Variants in RAD51B observed in about 807,000 individuals in gnomAD.
RAD51B encodes the protein RAD51 paralog B, also known as DNA repair protein RAD51 homolog 2.
A neutral mutation model predicts 42.2 loss-of-function variants in RAD51B; 38 were observed. The observed-to-expected ratio is 0.90, with a 90% confidence interval of 0.70 to 1.18. The LOEUF is 1.18. Ranked by LOEUF, RAD51B falls within the 50% of genes most tolerant of loss-of-function variation. The probability of loss-of-function intolerance (pLI) is 0.00; values close to 1 mark genes in which losing one functional copy is unlikely to be tolerated. For synonymous variants in RAD51B, 154 were observed against 145.2 expected (o/e 1.06, Z -0.43); for missense variants, 373 against 400.7 (o/e 0.93, Z 0.59).
At chr14:68,197,248 T>C (rs1039226794) in intron 7 of RAD51B, among the ~76,000 whole-genome samples, 3 of 152,204 alleles carry the variant, frequency 2.0e-5, no homozygotes, top group Non-Finnish European at 2.9e-5. Context: ...TCACTACAGA[T>C]TAGTTTTTCC....
chr14:68,315,534 T>A (rs1427840441), intron 8 of RAD51B, among the ~76,000 whole-genome samples: 1 of 152,178 alleles, frequency 6.6e-6, no homozygotes, highest in Non-Finnish European at 1.5e-5. Flanking sequence ...CTTTTTTTCT[T>A]TTTTTGAGAC....
chr14:68,455,981 A>T (rs2085676713), intron 9 of RAD51B, among the ~76,000 whole-genome samples: 1 of 152,238 alleles, frequency 6.6e-6, no homozygotes, highest in Non-Finnish European at 1.5e-5. Flanking sequence ...CAAACAATTG[A>T]AATTAAGGTG....
At chr14:68,587,522 T>A (rs1890545178) in intron 10 of RAD51B, among the ~76,000 whole-genome samples, 1 of 152,136 alleles carries the variant, frequency 6.6e-6, no homozygotes, top group African/African-American at 2.4e-5. Flanking sequence ...AGCTTGGCCC[T>A]GGAGAAGCAA....
At chr14:68,005,062 T>TG (rs1566572398) in intron 7 of RAD51B, among the ~76,000 whole-genome samples, 1 of 138,988 alleles carries the variant, frequency 7.2e-6, no homozygotes, top group African/African-American at 2.7e-5. Flanking sequence ...TTTTTTTTTT[T>TG]TTTTTTTTTT....
intron 9 of RAD51B, among the ~76,000 whole-genome samples, chr14:68,438,786 G>T (rs199913867): frequency 2.0e-5 from 3 of 152,276 alleles, no homozygotes; most frequent in East Asian, 1.9e-4. Context: ...TCAGTAAAGC[G>T]CCTGAGCTGA....
intron 10 of RAD51B, among the ~76,000 whole-genome samples, chr14:68,635,156 C>G (rs1207566217): frequency 6.6e-6 from 1 of 152,146 alleles, no homozygotes; most frequent in Non-Finnish European, 1.5e-5. Context: ...GAGTATCCCC[C>G]CCTCAATTTC....
At chr14:68,072,210 TTA>T (rs60687017) in intron 7 of RAD51B, among the ~76,000 whole-genome samples, 7 of 136,872 alleles carry the variant, frequency 5.1e-5, no homozygotes, top group Non-Finnish European at 1.1e-4. Flanking sequence ...TTTCTAGGTT[TTA>T]TATATATATA....
At chr14:68,093,866 G>C (rs1342976485) in intron 7 of RAD51B, among the ~76,000 whole-genome samples, 4 of 152,108 alleles carry the variant, frequency 2.6e-5, no homozygotes, top group Admixed American at 2.6e-4. Context: ...TATGTACTGA[G>C]GGGTAGGATT....
chr14:68,026,575 A>G (rs1595278971), intron 7 of RAD51B, among the ~76,000 whole-genome samples: 1 of 151,506 alleles, frequency 6.6e-6, no homozygotes, highest in East Asian at 1.9e-4. Context: ...CTTCTTGTTG[A>G]TGTGTACCCT....
At chr14:67,846,430 G>A (rs1362908471) in intron 4 of RAD51B, among the ~76,000 whole-genome samples, 5 of 152,180 alleles carry the variant, frequency 3.3e-5, no homozygotes, top group Admixed American at 6.5e-5. Context: ...GGGTGCCAGC[G>A]ATGGAGGGGA....
intron 7 of RAD51B, among the ~76,000 whole-genome samples, chr14:67,921,117 G>A (rs545582480): frequency 6.6e-6 from 1 of 152,298 alleles, no homozygotes; most frequent in East Asian, 1.9e-4. Flanking sequence ...GAGAAAGTTT[G>A]TAAACAAACA....
intron 8 of RAD51B, among the ~76,000 whole-genome samples, chr14:68,388,549 C>G (rs2083660843): frequency 6.6e-6 from 1 of 152,182 alleles, no homozygotes; most frequent in Non-Finnish European, 1.5e-5. Flanking sequence ...CTATTTCATC[C>G]TTTTCTCTCT....
intron 10 of RAD51B, among the ~76,000 whole-genome samples, chr14:68,625,592 C>G (rs915204395): frequency 6.6e-6 from 1 of 152,194 alleles, no homozygotes; most frequent in Non-Finnish European, 1.5e-5. Context: ...CCCTCTTTGG[C>G]CTCCCGAGTA....
At chr14:68,422,165 G>A in intron 9 of RAD51B, 1 of 1,289,032 alleles carries the variant, frequency 7.8e-7, no homozygotes, top group South Asian at 1.2e-5. Context: ...GCTGTCGACG[G>A]CAAATTCAAA....
At chr14:67,843,298 C>G (rs537498199) in intron 4 of RAD51B, 2 of 149,210 alleles carry the variant, frequency 1.3e-5, no homozygotes, top group East Asian at 3.9e-4. Flanking sequence ...TCCCTCCCCC[C>G]CTCCCCCACA....
chr14:67,993,330 C>T (rs2075327109), intron 7 of RAD51B, among the ~76,000 whole-genome samples: 1 of 152,114 alleles, frequency 6.6e-6, no homozygotes, highest in South Asian at 2.1e-4. Flanking sequence ...CTATCCCACC[C>T]TCCCTCCATC....
intron 10 of RAD51B, chr14:68,562,411 C>T: frequency 1.0e-6 from 1 of 983,318 alleles, no homozygotes; most frequent in Non-Finnish European, 1.2e-6. Flanking sequence ...TATGCAGAGG[C>T]CCATACAGCC....
intron 11 of RAD51B, among the ~76,000 whole-genome samples, chr14:68,680,444 AC>A (rs1893402689): frequency 6.6e-6 from 1 of 152,214 alleles, no homozygotes; most frequent in African/African-American, 2.4e-5. Context: ...AGTATTTATT[AC>A]CTTTTTAAAA....
At chr14:68,650,064 A>T (rs1892669320) in intron 10 of RAD51B, among the ~76,000 whole-genome samples, 1 of 152,294 alleles carries the variant, frequency 6.6e-6, no homozygotes, top group Middle Eastern at 3.4e-3. Flanking sequence ...TTTCTCCATC[A>T]GAAATGTCTG....
Sources: allele counts gnomAD v4.1 joint callset (sites outside exome capture counted in the v4.1 genomes callset), GRCh38; gene constraint gnomAD v4.1.1; transcripts MANE v1.5; gene names NCBI Gene and HGNC (gene_info 2026-07-23, HGNC 2026-07-21).